Variants in AGBL4 observed in about 807,000 individuals in gnomAD.
AGBL4 encodes the protein cytosolic carboxypeptidase 6.
A neutral mutation model predicts 66.4 loss-of-function variants in AGBL4; 58 were observed. The ratio of observed to expected loss-of-function variants is 0.87; its 90% CI spans 0.71 to 1.09. The LOEUF is 1.09. Ranked by LOEUF, AGBL4 falls within the 50% of genes least tolerant of loss-of-function variation. The pLI is 0.00. For missense variants in AGBL4, 579 were observed against 631.0 expected (o/e 0.92, Z 0.88); for synonymous variants, 234 against 222.9 (o/e 1.05, Z -0.44).
At chr1:49,353,199 T>A (rs1254346470) in intron 3 of AGBL4, among the ~76,000 whole-genome samples, 2 of 152,184 alleles carry the variant, frequency 1.3e-5, no homozygotes, top group Non-Finnish European at 2.9e-5. Context: ...GTTAAAACAC[T>A]GTATGTCCTT....
At chr1:49,794,205 A>G (rs980098133) in intron 2 of AGBL4, among the ~76,000 whole-genome samples, 32 of 151,932 alleles carry the variant, frequency 2.1e-4, no homozygotes, top group African/African-American at 7.5e-4. Context: ...CTCACCACTA[A>G]AATAAAAAAT....
chr1:48,732,578 T>G (rs1648319053), intron 6 of AGBL4, among the ~76,000 whole-genome samples: 1 of 151,638 alleles, frequency 6.6e-6, no homozygotes, highest in South Asian at 2.1e-4. Context: ...TGGGGAGGCC[T>G]CTCTCAGTGA....
intron 4 of AGBL4, among the ~76,000 whole-genome samples, chr1:49,237,076 A>C (rs537024635): frequency 6.6e-6 from 1 of 151,638 alleles, no homozygotes; most frequent in East Asian, 1.9e-4. Flanking sequence ...TAACACGGTG[A>C]AACCCCATCT....
At chr1:49,208,702 G>T (rs1046621248) in intron 4 of AGBL4, among the ~76,000 whole-genome samples, 3 of 151,954 alleles carry the variant, frequency 2.0e-5, no homozygotes, top group Non-Finnish European at 2.9e-5. Context: ...TTTTATAAGT[G>T]ATGAGCAGAT....
At chr1:48,712,260 C>T (rs1646979640) in intron 6 of AGBL4, among the ~76,000 whole-genome samples, 1 of 152,192 alleles carries the variant, frequency 6.6e-6, no homozygotes, top group Non-Finnish European at 1.5e-5. Context: ...GGGCCAGGCA[C>T]TGTGCTGGTC....
intron 4 of AGBL4, among the ~76,000 whole-genome samples, chr1:49,230,669 T>A (rs1650243888): frequency 6.6e-6 from 1 of 152,232 alleles, no homozygotes; most frequent in African/African-American, 2.4e-5. Context: ...AATGGAAATA[T>A]TGAAACAAAA....
intron 2 of AGBL4, among the ~76,000 whole-genome samples, chr1:49,705,523 C>G (rs181650154): frequency 3.2e-4 from 48 of 151,950 alleles, no homozygotes; most frequent in Middle Eastern, 3.4e-3. Context: ...ATTTGAATAC[C>G]CTTTTTATTT....
chr1:48,882,539 A>G (rs1305905271), intron 5 of AGBL4, among the ~76,000 whole-genome samples: 1 of 152,190 alleles, frequency 6.6e-6, no homozygotes, highest in African/African-American at 2.4e-5. Context: ...TTAAGAATAT[A>G]TCTTGAATGT....
At chr1:48,842,461 T>C (rs1934381) in intron 6 of AGBL4, among the ~76,000 whole-genome samples, 148,704 of 152,258 alleles carry the variant, frequency 0.98, 72,701 homozygotes, top group East Asian at 1. Context: ...TGTGGATGCT[T>C]AAGTCTTCCC....
chr1:49,048,150 T>C (rs1459903662), intron 4 of AGBL4, among the ~76,000 whole-genome samples: 1 of 152,098 alleles, frequency 6.6e-6, no homozygotes, highest in Non-Finnish European at 1.5e-5. Flanking sequence ...TGAGTTTGAG[T>C]CTCTTAGAGC....
intron 11 of AGBL4, among the ~76,000 whole-genome samples, chr1:48,557,473 C>T (rs1238969831): frequency 6.6e-6 from 1 of 152,100 alleles, no homozygotes; most frequent in Non-Finnish European, 1.5e-5. Context: ...AAGGAAAGCT[C>T]ATCAGAGCCA....
rs1024863969 is a variant in AGBL4 at position 49,283,366 on chromosome 1, T to C, written c.283-37502A>G. On this transcript the variant is annotated intron_variant, in intron 3 of 13. Coordinates refer to ENST00000371839, the MANE Select transcript of AGBL4 (RefSeq NM_032785.4). ...AAAGGACATCCACACCAAAAACCCATCTGTACATCACCATCATCAAAGACC... is the reference window on the plus strand; with the variant it reads ...AAAGGACATCCACACCAAAAACCCACCTGTACATCACCATCATCAAAGACC... Among the ~76,000 whole-genome samples, 15 of 152,236 alleles carry C rather than the reference T, an allele frequency of 9.9e-5. 1 individual carries two copies. In the South Asian group the frequency reaches 2.5e-3, roughly 25 times the overall value.
At chr1:49,434,247 G>A (rs561327407) in intron 3 of AGBL4, among the ~76,000 whole-genome samples, 5 of 150,258 alleles carry the variant, frequency 3.3e-5, no homozygotes, top group Admixed American at 3.3e-4. Flanking sequence ...GGATTGATAA[G>A]AAATCAATCC....
At chr1:48,974,835 T>G (rs1004919027) in intron 5 of AGBL4, among the ~76,000 whole-genome samples, 5 of 152,164 alleles carry the variant, frequency 3.3e-5, no homozygotes, top group Admixed American at 6.6e-5. Context: ...ACTTTTCTCT[T>G]TATCAGTTTT....
intron 11 of AGBL4, among the ~76,000 whole-genome samples, chr1:48,555,495 T>C (rs148885025): frequency 2.6e-5 from 4 of 152,290 alleles, no homozygotes; most frequent in African/African-American, 9.6e-5. Flanking sequence ...CCTTTGAAGA[T>C]GTTTGTCACG....
intron 2 of AGBL4, among the ~76,000 whole-genome samples, chr1:49,836,103 T>A (rs576298223): frequency 6.6e-6 from 1 of 152,314 alleles, no homozygotes; most frequent in Admixed American, 6.5e-5. Flanking sequence ...TCTCTGTATT[T>A]CCTAATTTGA....
chr1:48,813,037 C>A (rs1212240990), intron 6 of AGBL4, among the ~76,000 whole-genome samples: 1 of 151,870 alleles, frequency 6.6e-6, no homozygotes, highest in East Asian at 1.9e-4. Flanking sequence ...GTGCAGCACA[C>A]CAACATGGCA....
chr1:48,569,939 T>C (rs1644532890), intron 11 of AGBL4, among the ~76,000 whole-genome samples: 1 of 152,202 alleles, frequency 6.6e-6, no homozygotes, highest in Non-Finnish European at 1.5e-5. Context: ...TGTTTTCAAA[T>C]TGTACTTCAA....
At chr1:49,336,048 C>A (rs1202659435) in intron 3 of AGBL4, among the ~76,000 whole-genome samples, 1 of 152,124 alleles carries the variant, frequency 6.6e-6, no homozygotes, top group South Asian at 2.1e-4. Flanking sequence ...GGAATTGGCT[C>A]ACACATTTAT....
Sources: gnomAD v4.1 joint callset for allele counts (sites outside exome capture counted in the v4.1 genomes callset) on GRCh38, gnomAD v4.1.1 for gene constraint, MANE v1.5 for transcripts, NCBI Gene and HGNC (gene_info 2026-07-23, HGNC 2026-07-21) for gene names.